ZC3H3: variants seen among roughly 807,000 people sequenced by gnomAD.
The protein encoded by ZC3H3 is zinc finger CCCH-type containing 3.
Under a neutral mutation model 77.3 loss-of-function variants are expected in ZC3H3, and 36 were observed. That is an observed-to-expected ratio of 0.47 (90% CI 0.36 to 0.61). ZC3H3 has a LOEUF of 0.61. ZC3H3 is among the 20% of genes least tolerant of loss of function. The pLI is 0.00. For synonymous variants in ZC3H3, 626 were observed against 555.2 expected, an observed-to-expected ratio of 1.13 and a Z score of -1.79; for missense variants, 1,331 against 1,312.2, an observed-to-expected ratio of 1.01 and a Z score of -0.22.
At chr8:143,459,320 G>A (rs889724985) in intron 9 of ZC3H3, among the ~76,000 whole-genome samples, 2 of 152,194 alleles carry the variant, frequency 1.3e-5, no homozygotes, top group Non-Finnish European at 2.9e-5. Context: ...GGCCAAGGCG[G>A]GCTGATCACC....
chr8:143,438,141 C>T, intron 11 of ZC3H3, 54 bp from the exon 12 acceptor site: 1 of 1,578,188 alleles, frequency 6.3e-7, no homozygotes. Context: ...AGAACCTCCC[C>T]AGCCTGCAAA....
rs55671652 is a variant in ZC3H3 at position 143,511,913 on chromosome 8, G to A, written c.1562-4014C>T. 1.1e-3 allele frequency among the ~76,000 whole-genome samples: 174 copies of A among 152,386 alleles called. 2 individuals carry two copies. The highest frequency in any genetic ancestry group is 4.1e-3 in the African/African-American group (171 of 41,602). Reference sequence around the variant, plus strand: ...CAGGCTTCATCCCAGCTGGGGAGCGGGGAGAGCTGAGCAGGAGGCCAAGAC... The same window carrying A: ...CAGGCTTCATCCCAGCTGGGGAGCGAGGAGAGCTGAGCAGGAGGCCAAGAC... On this transcript the variant is annotated intron_variant, in intron 3 of 11. Transcript: ENST00000262577.
Position 143,493,384 on chromosome 8 carries a change from T to C in ZC3H3, c.1715+14362A>G, listed in dbSNP as rs1476435053. Among the ~76,000 whole-genome samples the C allele has an allele frequency of 2.6e-5, 4 of 152,224 alleles. No individual in the cohort carries two copies. Among genetic ancestry groups the C allele is most frequent in the Non-Finnish European group, 5.9e-5 (4 of 68,028 alleles). On this transcript the variant is annotated intron_variant, in intron 4 of 11. Transcript: ENST00000262577. The surrounding 1 kb of genome is among the most constrained non-coding windows in gnomAD (Gnocchi z 4.8). ...TCCCAGCCTCGGTGTGGATGCGGGC[T>C]AGCTCAGGCCCTGGCAAGACTGGCT...
chr8:143,531,369 G>A (rs1822600502), intron 3 of ZC3H3, among the ~76,000 whole-genome samples: 2 of 152,180 alleles, frequency 1.3e-5, no homozygotes, highest in African/African-American at 4.8e-5. Flanking sequence ...GAGACCCCCA[G>A]GAATCCCCTG....
At chr8:143,463,642 G>C (rs1820327489) in intron 9 of ZC3H3, among the ~76,000 whole-genome samples, 1 of 152,242 alleles carries the variant, frequency 6.6e-6, no homozygotes, top group Non-Finnish European at 1.5e-5. Flanking sequence ...AGACGTATCA[G>C]CCGGGGAGAT....
At position 143,440,110 on chromosome 8, in the gene ZC3H3, G is replaced by T. The variant is rs966093722; in HGVS notation, c.2746C>A (p.Gln916Lys). The T allele has an allele frequency of 4.3e-6, 7 of 1,609,630 alleles. No individual in the cohort carries two copies. The highest frequency in any genetic ancestry group is 5.9e-6 in the Non-Finnish European group (7 of 1,179,110). ...TGGGCTCCTGGGCTCGGCGAGGACT[G>T]CAGGGAGATGAAGGAAGGCAGCTTG... is the stretch of plus-strand genomic sequence containing the variant. ...LCKLPSFISL[Q>K]SSPSPGAQPR... Residue 916 changes from glutamine (Q) to lysine (K), a missense_variant, in exon 11 of 12, where the codon CAG becomes AAG. By Grantham distance (53) the Gln-to-Lys change is moderately conservative. Transcript: ENST00000262577.
intron 5 of ZC3H3, among the ~76,000 whole-genome samples, chr8:143,473,433 G>A (rs143446093): frequency 1.9e-4 from 29 of 152,276 alleles, no homozygotes; most frequent in South Asian, 8.3e-4. Context: ...TTCAGCCCAC[G>A]CCTCTCCCTG....
intron 4 of ZC3H3, among the ~76,000 whole-genome samples, chr8:143,506,938 A>G (rs965699702): frequency 1.2e-4 from 19 of 152,208 alleles, no homozygotes; most frequent in African/African-American, 4.3e-4. Context: ...GGCCCTGCCC[A>G]CCATCTCTGG....
chr8:143,516,525 TCACACACACACACA>T (rs57359541), intron 3 of ZC3H3, among the ~76,000 whole-genome samples: 64 of 140,024 alleles, frequency 4.6e-4, no homozygotes, highest in African/African-American at 1.0e-3. Context: ...AACTTTGCAA[TCACACACACACACA>T]CACACACACA....
rs775238294 is a variant in ZC3H3, at chr8:143,538,245, G to A, written c.1122C>T (p.Pro374=). 6.2e-7 allele frequency: 1 copy of A among 1,613,038 alleles called. No homozygotes were observed. The highest frequency in any genetic ancestry group is 8.5e-7 in the Non-Finnish European group (1 of 1,180,036). ...PATSSKPGSA[P]SKYKWKASSP... is the part of the protein sequence containing the mutation. ...TGGAGGCCTTCCACTTGTACTTGCT[G>A]GGGGCAGACCCTGGCTTGGAGGACG... is the stretch of plus-strand genomic sequence containing the variant. Residue 374 remains proline, a synonymous_variant, in exon 2 of 12, where the codon CCC becomes CCT. Transcript: ENST00000262577.
intron 3 of ZC3H3, among the ~76,000 whole-genome samples, chr8:143,531,762 T>C (rs189108389): frequency 2.6e-5 from 4 of 152,352 alleles, no homozygotes; most frequent in East Asian, 1.9e-4. Flanking sequence ...CCAGGTTTTA[T>C]ATACTCTGTT....
chr8:143,520,225 CA>C (rs1308333775), intron 3 of ZC3H3, among the ~76,000 whole-genome samples: 6 of 152,226 alleles, frequency 3.9e-5, no homozygotes, highest in African/African-American at 1.4e-4. Context: ...TCCCCCTCAA[CA>C]GAACAAAGAA....
chr8:143,444,549 A>T (rs1345990689), intron 9 of ZC3H3, among the ~76,000 whole-genome samples: 9 of 152,272 alleles, frequency 5.9e-5, no homozygotes, highest in Non-Finnish European at 1.2e-4. Flanking sequence ...CAGGAATGCA[A>T]GGTTGGTTTA....
At chr8:143,457,927 T>C (rs1339136554) in intron 9 of ZC3H3, among the ~76,000 whole-genome samples, 1 of 151,156 alleles carries the variant, frequency 6.6e-6, no homozygotes, top group South Asian at 2.1e-4. Flanking sequence ...TTCAAGAATG[T>C]AGAGGAAAAA....
intron 5 of ZC3H3, among the ~76,000 whole-genome samples, chr8:143,471,004 G>A (rs548979491): frequency 5.3e-5 from 8 of 152,252 alleles, no homozygotes; most frequent in Admixed American, 2.0e-4. Flanking sequence ...TCTGGGCACC[G>A]CTGGATGTCA....
intron 4 of ZC3H3, among the ~76,000 whole-genome samples, chr8:143,506,172 C>T (rs139312283): frequency 0.012 from 1,823 of 152,344 alleles, 17 homozygotes; most frequent in Middle Eastern, 0.02. Flanking sequence ...CGGACCCAAA[C>T]CAGACGCCTT....
At chr8:143,458,948 T>C (rs1451126331) in intron 9 of ZC3H3, among the ~76,000 whole-genome samples, 3 of 151,802 alleles carry the variant, frequency 2.0e-5, no homozygotes, top group Admixed American at 1.3e-4. Context: ...TAGCGAGACC[T>C]TGTTCTTCAA....
At chr8:143,503,819 C>T (rs1009207318) in intron 4 of ZC3H3, among the ~76,000 whole-genome samples, 3 of 152,166 alleles carry the variant, frequency 2.0e-5, no homozygotes, top group Non-Finnish European at 2.9e-5. Context: ...GGCTCCCCAC[C>T]GCCTCCTCCA....
rs185592917 is a variant in ZC3H3 at position 143,507,992 on chromosome 8, G to A, written c.1562-93C>T. ...ACCCACAGTGCCAGCTCTGCCCACCGCCTCCGCCGGAGCTTGAAGACCCTC... is the reference window on the plus strand; with the variant it reads ...ACCCACAGTGCCAGCTCTGCCCACCACCTCCGCCGGAGCTTGAAGACCCTC... On this transcript the variant is annotated intron_variant, in intron 3 of 11. Transcript: ENST00000262577. 1.5e-3 allele frequency: 2,073 copies of A among 1,367,514 alleles called. 2 individuals are homozygous for A. The highest frequency in any genetic ancestry group is 1.8e-3 in the Non-Finnish European group (1,891 of 1,037,436). The allele number at this position is 1,367,514 out of a possible 1,614,324, so 84.7% of individuals were successfully genotyped here.
Sources: gnomAD v4.1 joint callset for allele counts (sites outside exome capture counted in the v4.1 genomes callset) on GRCh38, gnomAD v4.1.1 for gene constraint, Gnocchi (gnomAD v3.1) non-coding constraint, MANE v1.5 for transcripts, NCBI Gene and HGNC (gene_info 2026-07-23, HGNC 2026-07-21) for gene names.